The following SPIDR variants were observed in gnomAD, a reference collection of about 807,000 sequenced individuals.
SPIDR encodes the protein DNA repair-scaffolding protein.
SPIDR carries 93 observed loss-of-function variants against 104.6 expected under a neutral mutation model. The observed-to-expected ratio is 0.89, with a 90% confidence interval of 0.75 to 1.06. SPIDR has a LOEUF of 1.06. Ranked by LOEUF, SPIDR falls within the 50% of genes least tolerant of loss-of-function variation. The probability of loss-of-function intolerance (pLI) is 0.00; values close to 1 mark genes in which losing one functional copy is unlikely to be tolerated. For synonymous variants in SPIDR, 431 were observed against 416.9 expected, an observed-to-expected ratio of 1.03 and a Z score of -0.41; for missense variants, 1,154 against 1,111.2, an observed-to-expected ratio of 1.04 and a Z score of -0.55.
intron 5 of SPIDR, among the ~76,000 whole-genome samples, chr8:47,333,864 G>A (rs2049211698): frequency 6.6e-6 from 1 of 152,176 alleles, no homozygotes; most frequent in South Asian, 2.1e-4. Context: ...TGTATATGAG[G>A]TGTGTTCATT....
intron 1 of SPIDR, among the ~76,000 whole-genome samples, chr8:47,272,159 C>G (rs2035468987): frequency 6.6e-6 from 1 of 151,946 alleles, no homozygotes; most frequent in South Asian, 2.1e-4. Context: ...GTGAGATGAG[C>G]TTTCACCATG....
chr8:47,449,395 C>T (rs896863467), intron 8 of SPIDR, among the ~76,000 whole-genome samples: 3 of 152,120 alleles, frequency 2.0e-5, no homozygotes, highest in Admixed American at 6.5e-5. Context: ...TCTGTCAGCT[C>T]GTCTGGGTTT....
At chr8:47,309,723 G>T (rs1554583647) in intron 5 of SPIDR, among the ~76,000 whole-genome samples, 2 of 152,126 alleles carry the variant, frequency 1.3e-5, no homozygotes, top group African/African-American at 4.8e-5. Flanking sequence ...AGGAAATATT[G>T]TTACAACTGT....
intron 6 of SPIDR, among the ~76,000 whole-genome samples, chr8:47,405,291 C>CGTGTGTGTGT (rs34302817): frequency 1.5e-3 from 215 of 145,000 alleles, no homozygotes; most frequent in African/African-American, 5.1e-3. Context: ...CAACATGGCA[C>CGTGTGTGTGT]GTGTGTGTGT....
intron 16 of SPIDR, among the ~76,000 whole-genome samples, chr8:47,717,746 G>T (rs2154490788): frequency 6.6e-6 from 1 of 152,216 alleles, no homozygotes; most frequent in East Asian, 1.9e-4. Flanking sequence ...CCTTCAAATG[G>T]GTGTTGAAAA....
At chr8:47,268,143 T>C (rs1484126022) in intron 1 of SPIDR, among the ~76,000 whole-genome samples, 1 of 152,230 alleles carries the variant, frequency 6.6e-6, no homozygotes, top group Non-Finnish European at 1.5e-5. Context: ...TGAAAATCAG[T>C]TGACCATAAA....
At chr8:47,295,934 C>A (rs1355986918) in intron 5 of SPIDR, among the ~76,000 whole-genome samples, 2 of 152,060 alleles carry the variant, frequency 1.3e-5, no homozygotes, top group African/African-American at 4.8e-5. Flanking sequence ...TTTTGCTACA[C>A]ACTCACCAAC....
At chr8:47,589,033 T>G (rs190264955) in intron 8 of SPIDR, among the ~76,000 whole-genome samples, 68 of 149,628 alleles carry the variant, frequency 4.5e-4, no homozygotes, top group East Asian at 4.3e-3. Context: ...TTTTTTTTTT[T>G]TTTTTTTTTT....
chr8:47,554,746 G>T (rs966815426), intron 8 of SPIDR, among the ~76,000 whole-genome samples: 1 of 152,164 alleles, frequency 6.6e-6, no homozygotes, highest in Non-Finnish European at 1.5e-5. Context: ...TTTGTGGGCT[G>T]CACCCACTGT....
chr8:47,324,507 T>A (rs7822371), intron 5 of SPIDR, among the ~76,000 whole-genome samples: 17,392 of 152,246 alleles, frequency 0.11, 1,423 homozygotes, highest in African/African-American at 0.23. Context: ...TGAAATTAGA[T>A]CTTTTGATTT....
rs555703338 is a variant in SPIDR at position 47,673,867 on chromosome 8, G to A, written c.1611G>A (p.Ser537=). ...AAGTGCACTTGGAGTTCACCATGTC[G>A]AAGGCAAGACAGTTGGAAGGGAAGT... ...FGEVHLEFTM[S]KARQLEGKSC... Residue 537 remains serine (S), a synonymous_variant, in exon 11 of 20, where the codon TCG becomes TCA. Coordinates refer to ENST00000297423, the MANE Select transcript of SPIDR (RefSeq NM_001080394.4). 4.6e-5 allele frequency: 74 copies of A among 1,614,136 alleles called. No individual in the cohort carries two copies. The highest frequency in any genetic ancestry group is 4.3e-4 in the Admixed American group (26 of 60,020).
intron 5 of SPIDR, among the ~76,000 whole-genome samples, chr8:47,358,528 C>T (rs1554627441): frequency 6.6e-6 from 1 of 152,066 alleles, no homozygotes; most frequent in Non-Finnish European, 1.5e-5. Context: ...TGTCAGAAGA[C>T]AGGATCTAAC....
chr8:47,514,285 T>C (rs2082790199), intron 8 of SPIDR, among the ~76,000 whole-genome samples: 1 of 152,200 alleles, frequency 6.6e-6, no homozygotes, highest in Non-Finnish European at 1.5e-5. Flanking sequence ...TACAGGGATT[T>C]CTAAAACAAA....
At chr8:47,344,930 C>G (rs1248240085) in intron 5 of SPIDR, among the ~76,000 whole-genome samples, 4 of 152,194 alleles carry the variant, frequency 2.6e-5, no homozygotes, top group Non-Finnish European at 4.4e-5. Flanking sequence ...CCTGTTCACT[C>G]TGATGGTAGT....
chr8:47,333,583 T>G (rs1554606200), intron 5 of SPIDR, among the ~76,000 whole-genome samples: 1 of 152,150 alleles, frequency 6.6e-6, no homozygotes, highest in East Asian at 1.9e-4. Context: ...ATTACAGGCA[T>G]GAGCCACCAC....
intron 12 of SPIDR, among the ~76,000 whole-genome samples, chr8:47,701,473 A>G (rs767121909): frequency 1.3e-5 from 2 of 152,216 alleles, no homozygotes; most frequent in Admixed American, 6.5e-5. Flanking sequence ...TAATTTCTAG[A>G]TGATATTTTC....
chr8:47,617,442 G>A (rs2064492175), intron 10 of SPIDR, among the ~76,000 whole-genome samples: 1 of 152,138 alleles, frequency 6.6e-6, no homozygotes, highest in Non-Finnish European at 1.5e-5. Flanking sequence ...GTATAGGATT[G>A]GGGGCACTTC....
chr8:47,720,141 G>A (rs896976688), intron 16 of SPIDR, among the ~76,000 whole-genome samples: 5 of 152,146 alleles, frequency 3.3e-5, no homozygotes, highest in African/African-American at 9.7e-5. Context: ...GCTTATTTCC[G>A]TTAGCAATAT....
At chr8:47,532,269 A>G (rs1011154529) in intron 8 of SPIDR, among the ~76,000 whole-genome samples, 1 of 152,038 alleles carries the variant, frequency 6.6e-6, no homozygotes, top group Non-Finnish European at 1.5e-5. Flanking sequence ...GGGTTTCTCC[A>G]TGTTGATCAG....
Sources: gnomAD v4.1 joint callset for allele counts (sites outside exome capture counted in the v4.1 genomes callset) on GRCh38, gnomAD v4.1.1 for gene constraint, MANE v1.5 for transcripts, NCBI Gene and HGNC (gene_info 2026-07-23, HGNC 2026-07-21) for gene names.